Variants in NTM observed in about 807,000 individuals in gnomAD.
NTM encodes the protein IgLON family member 2.
In NTM, 13 loss-of-function variants were observed where a neutral mutation model predicts 42.1. The observed-to-expected ratio is 0.31, with a 90% confidence interval of 0.20 to 0.49. The LOEUF (loss-of-function observed/expected upper bound fraction) is 0.49. NTM is among the 20% of genes least tolerant of loss of function. The probability of loss-of-function intolerance (pLI) is 0.99; values close to 1 mark genes in which losing one functional copy is unlikely to be tolerated. For missense variants in NTM, 373 were observed against 452.8 expected, an observed-to-expected ratio of 0.82 and a Z score of 1.60; for synonymous variants, 187 against 179.2, an observed-to-expected ratio of 1.04 and a Z score of -0.35.
intron 1 of NTM, among the ~76,000 whole-genome samples, chr11:131,707,032 T>C (rs1409215093): frequency 6.6e-6 from 1 of 151,978 alleles, no homozygotes; most frequent in Non-Finnish European, 1.5e-5. Context: ...AAAATATACA[T>C]TATTATTAAC....
rs2069482287 is a variant in NTM, at chr11:132,002,322, T to C, written c.167+90674T>C. Among the ~76,000 whole-genome samples the C allele has an allele frequency of 6.6e-6, 1 of 152,182 alleles. No homozygotes were observed. Among genetic ancestry groups the C allele is most frequent in the Non-Finnish European group, 1.5e-5 (1 of 68,034 alleles). On this transcript the variant is annotated intron_variant, in intron 2 of 8. Transcript: ENST00000683400. The surrounding 1 kb of genome is among the most constrained non-coding windows in gnomAD (Gnocchi z 4.5). ...AATAATTATTTAGTTATTTGGAACA[T>C]TAATATGCTGGTGTATCATATATTT...
At chr11:132,219,971 T>G (rs1185920079) in intron 4 of NTM, among the ~76,000 whole-genome samples, 1 of 152,192 alleles carries the variant, frequency 6.6e-6, no homozygotes, top group African/African-American at 2.4e-5. Context: ...CACTATCATC[T>G]CCACCATTTT....
At chr11:132,119,106 C>T (rs543546630) in intron 2 of NTM, among the ~76,000 whole-genome samples, 3 of 152,310 alleles carry the variant, frequency 2.0e-5, no homozygotes, top group Middle Eastern at 3.4e-3. Context: ...GCAGACAGTG[C>T]CCCACATTGG....
At chr11:131,679,240 C>T (rs2071985171) in intron 1 of NTM, among the ~76,000 whole-genome samples, 1 of 152,094 alleles carries the variant, frequency 6.6e-6, no homozygotes, top group Non-Finnish European at 1.5e-5. Flanking sequence ...CTCCCCTGTG[C>T]TTGAGTCCAG....
chr11:131,569,366 G>A (rs1350813646), intron 1 of NTM, among the ~76,000 whole-genome samples: 1 of 151,244 alleles, frequency 6.6e-6, no homozygotes, highest in East Asian at 2.0e-4. Context: ...GGCTGGTCTC[G>A]AACTCCTGAC....
intron 1 of NTM, among the ~76,000 whole-genome samples, chr11:131,635,980 G>C (rs968882562): frequency 2.6e-5 from 4 of 152,172 alleles, no homozygotes; most frequent in Admixed American, 1.3e-4. Context: ...TGTGGCTTAG[G>C]ACCCCTACGC....
intron 1 of NTM, among the ~76,000 whole-genome samples, chr11:131,505,077 C>T (rs2047323760): frequency 6.6e-6 from 1 of 150,748 alleles, no homozygotes; most frequent in Non-Finnish European, 1.5e-5. Flanking sequence ...ATGAAACCTA[C>T]CTTCTACTTG....
chr11:131,440,139 G>C (rs1396103668), intron 1 of NTM, among the ~76,000 whole-genome samples: 1 of 151,370 alleles, frequency 6.6e-6, no homozygotes, highest in Non-Finnish European at 1.5e-5. Context: ...CTGATTTCTA[G>C]GAGAGTTCTC....
At chr11:132,118,376 A>G (rs567816656) in intron 2 of NTM, among the ~76,000 whole-genome samples, 1 of 152,360 alleles carries the variant, frequency 6.6e-6, no homozygotes, top group African/African-American at 2.4e-5. Flanking sequence ...AGGGCTGAGC[A>G]TGGATTGAGG....
chr11:131,496,670 G>A (rs572888692), intron 1 of NTM, among the ~76,000 whole-genome samples: 1 of 152,280 alleles, frequency 6.6e-6, no homozygotes, highest in South Asian at 2.1e-4. Flanking sequence ...GCTTATTTGG[G>A]GGCATTTAGC....
chr11:132,153,088 C>T (rs2072340456), intron 3 of NTM, among the ~76,000 whole-genome samples: 2 of 152,196 alleles, frequency 1.3e-5, no homozygotes, highest in South Asian at 4.1e-4. Flanking sequence ...GCAGTTAGGG[C>T]TCCCATGGGA....
At chr11:131,990,612 C>T (rs912789158) in intron 2 of NTM, among the ~76,000 whole-genome samples, 6 of 152,114 alleles carry the variant, frequency 3.9e-5, no homozygotes, top group African/African-American at 1.4e-4. Context: ...CCTGCTAGAA[C>T]TGCTGACTTT....
chr11:131,601,752 G>A (rs1018674147), intron 1 of NTM, among the ~76,000 whole-genome samples: 2 of 152,196 alleles, frequency 1.3e-5, no homozygotes, highest in Non-Finnish European at 2.9e-5. Context: ...TGGGATGAGA[G>A]AGAATGGCTT....
At chr11:131,806,136 A>G (rs1466029682) in intron 1 of NTM, among the ~76,000 whole-genome samples, 1 of 152,194 alleles carries the variant, frequency 6.6e-6, no homozygotes, top group Admixed American at 6.5e-5. Flanking sequence ...AAAGGTGGCC[A>G]ATGAGGTAAA....
At chr11:131,499,803 C>T (rs113173038) in intron 1 of NTM, among the ~76,000 whole-genome samples, 2 of 152,326 alleles carry the variant, frequency 1.3e-5, no homozygotes, top group South Asian at 2.1e-4. Context: ...CCCCTTCACC[C>T]GCGTCAATGC....
chr11:131,671,545 G>A, intron 1 of NTM: 1 of 981,038 alleles, frequency 1.0e-6, no homozygotes, highest in Non-Finnish European at 1.2e-6. Flanking sequence ...GGGCTGGCAG[G>A]GCCTACCGGT....
At chr11:132,218,724 C>G (rs1298314340) in intron 4 of NTM, among the ~76,000 whole-genome samples, 1 of 152,160 alleles carries the variant, frequency 6.6e-6, no homozygotes, top group African/African-American at 2.4e-5. Context: ...CTTCCTGAGG[C>G]CAAGTATGAA....
At chr11:132,077,802 T>A (rs2058557066) in intron 2 of NTM, among the ~76,000 whole-genome samples, 1 of 152,196 alleles carries the variant, frequency 6.6e-6, no homozygotes. Context: ...GATCTCCCTT[T>A]GTTGCCCATG....
chr11:132,310,713 A>C (rs889310445), intron 6 of NTM, among the ~76,000 whole-genome samples: 1 of 152,114 alleles, frequency 6.6e-6, no homozygotes, highest in African/African-American at 2.4e-5. Flanking sequence ...CCATGACCCA[A>C]TTTAGCCCTC....
Sources: gnomAD v4.1 joint callset for allele counts (sites outside exome capture counted in the v4.1 genomes callset) on GRCh38, gnomAD v4.1.1 for gene constraint, Gnocchi (gnomAD v3.1) non-coding constraint, MANE v1.5 for transcripts, NCBI Gene and HGNC (gene_info 2026-07-23, HGNC 2026-07-21) for gene names.